TTC28: variants seen among roughly 807,000 people sequenced by gnomAD.
TTC28 encodes the protein tetratricopeptide repeat protein 28.
TTC28 carries 61 observed loss-of-function variants against 198.0 expected under a neutral mutation model. That is an observed-to-expected ratio of 0.31 (90% CI 0.25 to 0.38). The LOEUF (loss-of-function observed/expected upper bound fraction) is 0.38. Ranked by LOEUF, TTC28 falls within the 10% of genes least tolerant of loss-of-function variation. The probability of loss-of-function intolerance (pLI) is 1.00; values close to 1 mark genes in which losing one functional copy is unlikely to be tolerated. For synonymous variants in TTC28, 1,171 were observed against 1,297.8 expected (o/e 0.90, Z 2.10); for missense variants, 2,678 against 3,164.0 (o/e 0.85, Z 3.69).
chr22:28,632,253 CTTTTTTTTTTTTTTTTTT>C (rs765447917), intron 1 of TTC28, among the ~76,000 whole-genome samples: 2 of 49,670 alleles, frequency 4.0e-5, no homozygotes, highest in African/African-American at 1.6e-4. Flanking sequence ...TTATATTCAA[CTTTTTTTTTTTTTTTTTT>C]TTTTTTTTTT....
chr22:28,384,150 C>T (rs762800534), intron 2 of TTC28, among the ~76,000 whole-genome samples: 8 of 152,216 alleles, frequency 5.3e-5, no homozygotes, highest in Non-Finnish European at 1.2e-4. Context: ...TCTGCTTATA[C>T]ATTACTTCTT....
At chr22:28,532,257 C>A (rs1443256495) in intron 2 of TTC28, among the ~76,000 whole-genome samples, 1 of 152,128 alleles carries the variant, frequency 6.6e-6, no homozygotes, top group Non-Finnish European at 1.5e-5. Context: ...TACAAACTAC[C>A]ATCAGAGAAT....
intron 2 of TTC28, among the ~76,000 whole-genome samples, chr22:28,475,183 A>AAAAG (rs966343709): frequency 4.0e-5 from 6 of 151,122 alleles, no homozygotes; most frequent in Admixed American, 2.0e-4. Context: ...GAAAGAAAAG[A>AAAAG]AAAGAAAGAA....
intron 2 of TTC28, among the ~76,000 whole-genome samples, chr22:28,497,870 A>G (rs695546): frequency 0.98 from 149,784 of 152,216 alleles, 73,746 homozygotes; most frequent in East Asian, 1. Flanking sequence ...TTAAAAGTCA[A>G]GTTGAATATT....
At chr22:28,228,619 G>A (rs578029690) in intron 5 of TTC28, among the ~76,000 whole-genome samples, 68 of 152,090 alleles carry the variant, frequency 4.5e-4, no homozygotes, top group Non-Finnish European at 4.9e-4. Context: ...AGAATCGCTA[G>A]AACCCGGGGG....
At chr22:28,331,755 T>A (rs768184726) in intron 2 of TTC28, among the ~76,000 whole-genome samples, 14 of 151,970 alleles carry the variant, frequency 9.2e-5, no homozygotes, top group Non-Finnish European at 1.9e-4. Context: ...AGAGAATAAA[T>A]CCATATTTAC....
Position 28,339,924 on chromosome 22 carries a change from G to T in TTC28, c.382-33281C>A, listed in dbSNP as rs2045801641. The stretch of plus-strand genomic sequence containing the variant: ...TGCACCCACTGTCCAACACTCCCCA[G>T]TGAGATGAACCCGGTACCTCAGTTG... On this transcript the variant is annotated intron_variant, in intron 2 of 22. Transcript: ENST00000397906. 2.0e-5 allele frequency among the ~76,000 whole-genome samples: 3 copies of T among 152,256 alleles called. No individual in the cohort carries two copies. In the South Asian group the frequency reaches 6.2e-4, roughly 32 times the overall value.
At chr22:28,176,437 T>G (rs1158146904) in intron 5 of TTC28, among the ~76,000 whole-genome samples, 1 of 152,092 alleles carries the variant, frequency 6.6e-6, no homozygotes, top group Admixed American at 6.6e-5. Context: ...GGGAGGATTC[T>G]GAGGGGTTGG....
intron 2 of TTC28, among the ~76,000 whole-genome samples, chr22:28,385,294 G>A (rs1000233619): frequency 6.7e-6 from 1 of 149,144 alleles, no homozygotes; most frequent in Non-Finnish European, 1.5e-5. Context: ...GTGCAATGGC[G>A]CAATCTTGGC....
chr22:28,051,675 T>A (rs934477161), intron 12 of TTC28, among the ~76,000 whole-genome samples: 1 of 152,168 alleles, frequency 6.6e-6, no homozygotes, highest in African/African-American at 2.4e-5. Context: ...TGTTGTCACG[T>A]CATGAAAGCC....
intron 5 of TTC28, among the ~76,000 whole-genome samples, chr22:28,243,435 G>GT (rs1359061244): frequency 1.4e-5 from 2 of 140,902 alleles, no homozygotes; most frequent in Non-Finnish European, 3.1e-5. Flanking sequence ...TTTTTTTTTC[G>GT]TTTTTCTGTG....
At chr22:28,392,202 C>G (rs2046735818) in intron 2 of TTC28, among the ~76,000 whole-genome samples, 1 of 152,210 alleles carries the variant, frequency 6.6e-6, no homozygotes, top group African/African-American at 2.4e-5. Flanking sequence ...TGCCCGTTCT[C>G]AGATCTCCAG....
chr22:28,572,198 C>T (rs562712023), intron 2 of TTC28, among the ~76,000 whole-genome samples: 59 of 151,072 alleles, frequency 3.9e-4, no homozygotes, highest in African/African-American at 1.3e-3. Context: ...AAAAAAATAG[C>T]CAGGCATGGT....
chr22:28,062,548 T>C (rs1940591484), intron 12 of TTC28, among the ~76,000 whole-genome samples: 1 of 151,862 alleles, frequency 6.6e-6, no homozygotes, highest in Non-Finnish European at 1.5e-5. Flanking sequence ...TAGCTCACTG[T>C]AGACTTGAAC....
chr22:28,337,569 G>C (rs1447485089), intron 2 of TTC28, among the ~76,000 whole-genome samples: 1 of 152,198 alleles, frequency 6.6e-6, no homozygotes, highest in Non-Finnish European at 1.5e-5. Flanking sequence ...TCTTCTTGTT[G>C]AATTGATCCC....
At chr22:28,214,175 AC>A (rs1471830136) in intron 5 of TTC28, among the ~76,000 whole-genome samples, 3 of 152,134 alleles carry the variant, frequency 2.0e-5, no homozygotes, top group Admixed American at 6.6e-5. Context: ...AACCATAAAA[AC>A]CCTAGAAGAA....
rs368291245 is a variant in TTC28, at chr22:28,184,732, TA to T, written c.934-21134del. ...ATCAAATTATTCATCATATTAATTT[TA>T]AATTTTTCAGTGGTATGCTTGTTTT... On this transcript the variant is annotated intron_variant, in intron 5 of 22. Coordinates refer to ENST00000397906, the MANE Select transcript of TTC28 (RefSeq NM_001145418.2). 3.8e-4 allele frequency among the ~76,000 whole-genome samples: 58 copies of T among 152,278 alleles called. No individual in the cohort carries two copies. The East Asian group carries it at 9.1e-3, about 24-fold the overall frequency.
At chr22:28,559,797 T>A (rs899468614) in intron 2 of TTC28, among the ~76,000 whole-genome samples, 1 of 152,246 alleles carries the variant, frequency 6.6e-6, no homozygotes, top group Non-Finnish European at 1.5e-5. Flanking sequence ...AAATTCTGAA[T>A]GTTGAAGTGC....
intron 2 of TTC28, among the ~76,000 whole-genome samples, chr22:28,530,278 G>A (rs574361451): frequency 6.6e-6 from 1 of 152,290 alleles, no homozygotes; most frequent in South Asian, 2.1e-4. Context: ...AGCTTCAGCA[G>A]CCGATTCGAT....
Sources: gnomAD v4.1 joint callset for allele counts (sites outside exome capture counted in the v4.1 genomes callset) on GRCh38, gnomAD v4.1.1 for gene constraint, MANE v1.5 for transcripts, NCBI Gene and HGNC (gene_info 2026-07-23, HGNC 2026-07-21) for gene names.